Variants in ADAMTS7 observed in about 807,000 individuals in gnomAD.
ADAMTS7 encodes the protein ADAM metallopeptidase with thrombospondin type 1 motif 7.
A neutral mutation model predicts 172.6 loss-of-function variants in ADAMTS7; 89 were observed. That is an observed-to-expected ratio of 0.52 (90% CI 0.43 to 0.61). ADAMTS7 has a LOEUF of 0.61. Ranked by LOEUF, ADAMTS7 falls within the 20% of genes least tolerant of loss-of-function variation. The pLI is 0.00. For missense variants in ADAMTS7, 1,973 were observed against 2,355.6 expected, an observed-to-expected ratio of 0.84 and a Z score of 3.36; for synonymous variants, 885 against 978.4, an observed-to-expected ratio of 0.90 and a Z score of 1.78.
At chr15:78,785,993 G>A (rs369949340) in intron 8 of ADAMTS7, among the ~76,000 whole-genome samples, 54 of 84,204 alleles carry the variant, frequency 6.4e-4, no homozygotes, top group Middle Eastern at 8.1e-3. Flanking sequence ...GCAGTGGCGC[G>A]ATCTTGGCTC....
rs890868969 is a variant in ADAMTS7 at position 78,775,487 on chromosome 15, G to A, written c.1707-694C>T. On this transcript the variant is annotated intron_variant, in intron 11 of 23. Coordinates refer to ENST00000388820, the MANE Select transcript of ADAMTS7 (RefSeq NM_014272.5). Reference sequence around the variant, plus strand: ...TGGCCTCCTGAAGTGAAGATCAGCCGGGTAGTGCCTCGGTCTACAGTACCA... The same window carrying A: ...TGGCCTCCTGAAGTGAAGATCAGCCAGGTAGTGCCTCGGTCTACAGTACCA... 2.5e-4 allele frequency among the ~76,000 whole-genome samples: 38 copies of A among 151,942 alleles called. No individual in the cohort carries two copies. In the Middle Eastern group the frequency reaches 0.01, roughly 41 times the overall value.
rs1170760965 is a variant in ADAMTS7 at position 78,790,651 on chromosome 15, C to A, written c.1028+19G>T. ...CACCTCCTGAGATGCAGGCTCCCAC[C>A]CTCCTGCGGCTGCAGTACCTGGTGA... On this transcript the variant is annotated intron_variant, in intron 6 of 23. Transcript: ENST00000388820. 6.2e-7 allele frequency: 1 copy of A among 1,612,480 alleles called. No individual in the cohort carries two copies. The highest frequency in any genetic ancestry group is 1.1e-5 in the South Asian group (1 of 90,996).
chr15:78,780,413 T>A (rs1465562706), intron 8 of ADAMTS7, among the ~76,000 whole-genome samples: 21 of 152,272 alleles, frequency 1.4e-4, no homozygotes, highest in African/African-American at 4.8e-4. Flanking sequence ...AGGGATCTGG[T>A]CATGGAGTCA....
chr15:78,803,894 T>C (rs2055757105), intron 1 of ADAMTS7, among the ~76,000 whole-genome samples: 1 of 152,262 alleles, frequency 6.6e-6, no homozygotes, highest in Non-Finnish European at 1.5e-5. Context: ...ATAATATTCA[T>C]AATTGAGGGA....
intron 1 of ADAMTS7, among the ~76,000 whole-genome samples, chr15:78,804,990 T>G (rs12901871): frequency 1.3e-5 from 2 of 152,242 alleles, no homozygotes; most frequent in Non-Finnish European, 2.9e-5. Context: ...ACCTGGCTGG[T>G]CATCAGCAGT....
intron 2 of ADAMTS7, 131 bp from the exon 3 acceptor site, chr15:78,798,244 T>G: frequency 1.2e-6 from 1 of 837,682 alleles, no homozygotes; most frequent in Non-Finnish European, 1.7e-6. Context: ...GCGGACACAC[T>G]GTACTTTCCT....
At position 78,800,461 on chromosome 15, in the gene ADAMTS7, A is replaced by G. The variant is rs759368380; in HGVS notation, c.187T>C (p.Trp63Arg). 24 of 1,610,896 alleles carry G rather than the reference A, an allele frequency of 1.5e-5. No homozygotes were observed. The East Asian group carries it at 3.1e-4, about 21-fold the overall frequency. Residue 63 changes from tryptophan (W) to arginine (R), a missense_variant, in exon 2 of 24, where the codon TGG (tryptophan) becomes CGG (arginine). Trp to Arg is a moderately radical substitution (Grantham distance 101, BLOSUM62 -3). Around this residue, in one of 8 missense-constraint regions of ADAMTS7, gnomAD observed 306 missense variants for 288.0 expected, o/e 1.06. Transcript: ENST00000388820. ...TCCCGCTTGCGCAGTGCGCGGGGCC[A>G]CAGCTCGTAGGACAGGAAGGAGCCC... ...AGGSFLSYEL[W>R]PRALRKRDVS... is the part of the protein sequence containing the mutation.
intron 14 of ADAMTS7, 64 bp downstream of exon 14, chr15:78,773,019 G>C (rs1380465290): frequency 6.9e-7 from 1 of 1,452,886 alleles, no homozygotes; most frequent in South Asian, 1.2e-5. Flanking sequence ...GGGGCCCAGG[G>C]GAGATGGGGA....
In ADAMTS7 at chr15:78,776,825, A is replaced by C; in HGVS notation, c.1484T>G (p.Leu495Arg). 6.5e-7 allele frequency: 1 copy of C among 1,546,580 alleles called. No individual in the cohort carries two copies. ...CEDMDNVCHTLWCSVGTTCHS... is the reference protein window; with the variant it reads ...CEDMDNVCHTRWCSVGTTCHS... ...ACAGGTGGTCCCCACAGAGCACCAGAGTGTGTGGCAGACATTCTGCGAGGA... is the reference window on the plus strand; with the variant it reads ...ACAGGTGGTCCCCACAGAGCACCAGCGTGTGTGGCAGACATTCTGCGAGGA... The change falls in exon 10 of 24, where the codon CTC (leucine) becomes CGC (arginine). Residue 495 changes from leucine to arginine, a missense_variant. Transcript: ENST00000388820.
In ADAMTS7 at chr15:78,768,231, C is replaced by T; in HGVS notation, c.2547G>A (p.Leu849=). Residue 849 remains leucine (L), a synonymous_variant, in exon 17 of 24, where the codon TTG becomes TTA. Transcript: ENST00000388820. ...CGTCCACGGGCCCTGCCTGCCGCTCCAAGCAGTACACATTCTGCCTCTGCA... is the reference window on the plus strand; with the variant it reads ...CGTCCACGGGCCCTGCCTGCCGCTCTAAGCAGTACACATTCTGCCTCTGCA... ...RGVQRQNVYC[L]ERQAGPVDEE... The T allele has an allele frequency of 1.2e-6, 2 of 1,610,832 alleles. No homozygotes were observed. The highest frequency in any genetic ancestry group is 1.7e-6 in the Non-Finnish European group (2 of 1,179,668).
intron 1 of ADAMTS7, among the ~76,000 whole-genome samples, chr15:78,806,127 CAAAAAAAAAAA>C (rs1169680816): frequency 2.1e-3 from 48 of 23,254 alleles, no homozygotes; most frequent in African/African-American, 6.3e-3. Flanking sequence ...CACACACACA[CAAAAAAAAAAA>C]AAAAAAAAAA....
At chr15:78,760,998 T>G (rs1026983805) in intron 23 of ADAMTS7, among the ~76,000 whole-genome samples, 1 of 152,132 alleles carries the variant, frequency 6.6e-6, no homozygotes, top group Admixed American at 6.5e-5. Flanking sequence ...CCCCGCTCCC[T>G]GTGGCCAGCC....
intron 16 of ADAMTS7, 81 bp from the exon 17 acceptor site, chr15:78,768,340 C>A: frequency 6.3e-7 from 1 of 1,588,874 alleles, no homozygotes; most frequent in South Asian, 1.1e-5. Context: ...TCTGCCAGAA[C>A]CCTCCCAGAA....
intron 1 of ADAMTS7, among the ~76,000 whole-genome samples, chr15:78,801,844 AT>A (rs1039727956): frequency 4.9e-4 from 70 of 143,842 alleles, no homozygotes; most frequent in African/African-American, 1.7e-3. Context: ...CACTTGGCTA[AT>A]TTTTTTTTAT....
intron 8 of ADAMTS7, among the ~76,000 whole-genome samples, chr15:78,785,313 G>T (rs1479646892): frequency 6.6e-6 from 1 of 152,172 alleles, no homozygotes; most frequent in Non-Finnish European, 1.5e-5. Context: ...CACTTTGGGA[G>T]GCCAAGGTGG....
At chr15:78,806,125 CACAAAAAAAAAAAAAAAA>C (rs1399890948) in intron 1 of ADAMTS7, among the ~76,000 whole-genome samples, 379 of 18,356 alleles carry the variant, frequency 0.021, 4 homozygotes, top group East Asian at 0.046. Flanking sequence ...CACACACACA[CACAAAAAAAAAAAAAAAA>C]AAAAAAAAAA....
intron 4 of ADAMTS7, among the ~76,000 whole-genome samples, chr15:78,792,259 C>T (rs2055590733): frequency 6.6e-6 from 1 of 152,166 alleles, no homozygotes; most frequent in African/African-American, 2.4e-5. Context: ...CCACCTTTCT[C>T]CAATACAACC....
intron 8 of ADAMTS7, among the ~76,000 whole-genome samples, chr15:78,787,891 C>T (rs1472673478): frequency 6.6e-6 from 1 of 152,160 alleles, no homozygotes; most frequent in Admixed American, 6.5e-5. Context: ...CGCTCCTTTA[C>T]CGCTACAGGC....
intron 8 of ADAMTS7, among the ~76,000 whole-genome samples, chr15:78,781,451 C>A (rs1449720520): frequency 6.6e-6 from 1 of 152,160 alleles, no homozygotes; most frequent in Non-Finnish European, 1.5e-5. Context: ...CCCAAACACC[C>A]CTCCATTGGG....
Sources: gnomAD v4.1 joint callset for allele counts (sites outside exome capture counted in the v4.1 genomes callset) on GRCh38, gnomAD v4.1.1 for gene constraint, gnomAD v4.1.1 regional missense constraint, MANE v1.5 for transcripts, NCBI Gene and HGNC (gene_info 2026-07-23, HGNC 2026-07-21) for gene names.